Variants in PCNT observed in about 807,000 individuals in gnomAD.
PCNT encodes the protein pericentrin.
PCNT carries 319 observed loss-of-function variants against 380.4 expected under a neutral mutation model. The ratio of observed to expected loss-of-function variants is 0.84; its 90% CI spans 0.77 to 0.92. The LOEUF (loss-of-function observed/expected upper bound fraction) is 0.92. Among genes scored for constraint, PCNT ranks in the 40% least tolerant of loss-of-function variants. The pLI is 0.00. For synonymous variants in PCNT, 1,845 were observed against 1,735.2 expected, an observed-to-expected ratio of 1.06 and a Z score of -1.57; for missense variants, 4,400 against 4,255.3, an observed-to-expected ratio of 1.03 and a Z score of -0.95.
At chr21:46,439,306 G>C (rs770484720) in intron 41 of PCNT, among the ~76,000 whole-genome samples, 1 of 152,096 alleles carries the variant, frequency 6.6e-6, no homozygotes, top group Non-Finnish European at 1.5e-5. Flanking sequence ...GAACCAGCCC[G>C]TCTGGGACCT....
intron 21 of PCNT, among the ~76,000 whole-genome samples, chr21:46,395,220 A>G (rs377142747): frequency 3.3e-5 from 5 of 152,270 alleles, no homozygotes; most frequent in African/African-American, 9.6e-5. Flanking sequence ...CACTTTTACA[A>G]ATCAAAATGA....
At chr21:46,332,357 G>A (rs918141245) in intron 2 of PCNT, among the ~76,000 whole-genome samples, 6 of 152,142 alleles carry the variant, frequency 3.9e-5, no homozygotes, top group Non-Finnish European at 5.9e-5. Flanking sequence ...TTTCTGGGCC[G>A]TTTTACTGTT....
chr21:46,444,320 G>T (rs2053693179), intron 45 of PCNT, among the ~76,000 whole-genome samples: 1 of 152,200 alleles, frequency 6.6e-6, no homozygotes, highest in Non-Finnish European at 1.5e-5. Context: ...CCTGGCGGAA[G>T]GCTAGGAGGA....
chr21:46,362,991 G>T (rs906134186), intron 13 of PCNT, among the ~76,000 whole-genome samples: 1 of 152,138 alleles, frequency 6.6e-6, no homozygotes, highest in African/African-American at 2.4e-5. Flanking sequence ...CATTGTCCTG[G>T]CGTTGACCTT....
At chr21:46,431,232 G>A (rs1036118531) in intron 37 of PCNT, 15 of 1,268,024 alleles carry the variant, frequency 1.2e-5, no homozygotes, top group African/African-American at 3.0e-5. Flanking sequence ...TGATTTTCTG[G>A]AGAGGGGGCG....
intron 15 of PCNT, among the ~76,000 whole-genome samples, chr21:46,371,968 T>C (rs1712484340): frequency 7.0e-6 from 1 of 142,818 alleles, no homozygotes; most frequent in African/African-American, 2.7e-5. Flanking sequence ...AGCACATACA[T>C]AGCACATACA....
At position 46,334,296 on chromosome 21, in the gene PCNT, T is replaced by C. The variant is rs943071607; in HGVS notation, c.268-101T>C. ...GTGGAAGTGAGCTCTACTTGTTAAA[T>C]GAAGTCAGCACAGGCCTGCAGATAG... On this transcript the variant is annotated intron_variant, in intron 2 of 46. Coordinates refer to ENST00000359568, the MANE Select transcript of PCNT (RefSeq NM_006031.6). The C allele has an allele frequency of 2.0e-6, 3 of 1,536,762 alleles. No homozygotes were observed. The South Asian group carries it at 3.4e-5, about 17-fold the overall frequency.
chr21:46,339,467 A>G (rs1192262457), intron 3 of PCNT, among the ~76,000 whole-genome samples: 3 of 152,214 alleles, frequency 2.0e-5, no homozygotes, highest in African/African-American at 7.2e-5. Flanking sequence ...TCACAAGGTG[A>G]GGTCCCACAG....
chr21:46,347,107 A>G (rs1313304594), intron 5 of PCNT, 109 bp downstream of exon 5: 59 of 1,332,782 alleles, frequency 4.4e-5, no homozygotes, highest in Admixed American at 2.4e-5. Context: ...CCGTCTCCCC[A>G]TCTCTGTTCT....
Position 46,411,993 on chromosome 21 carries a change from G to A in PCNT, c.5920G>A (p.Ala1974Thr), listed in dbSNP as rs368622182. The A allele has an allele frequency of 5.7e-5, 91 of 1,605,316 alleles. No homozygotes were observed. The highest frequency in any genetic ancestry group is 4.3e-4 in the African/African-American group (32 of 75,026). Residue 1974 changes from alanine (A) to threonine (T), a missense_variant, in exon 28 of 47, where the codon GCC becomes ACC. Transcript: ENST00000359568. ...AHPQPRMDGGAKAQVTGDVEA... is the reference protein window; with the variant it reads ...AHPQPRMDGGTKAQVTGDVEA... ...CCCACAGCCTCGCATGGATGGTGGC[G>A]CCAAGGCCCAGGTCACCGGCGACGT...
intron 27 of PCNT, among the ~76,000 whole-genome samples, chr21:46,407,291 T>C (rs2086646832): frequency 1.3e-5 from 2 of 151,438 alleles, no homozygotes; most frequent in African/African-American, 2.4e-5. Context: ...AACTTGTGCA[T>C]GTCATCAAAA....
chr21:46,423,967 G>A (rs1188651206), intron 32 of PCNT, among the ~76,000 whole-genome samples: 1 of 152,114 alleles, frequency 6.6e-6, no homozygotes, highest in Non-Finnish European at 1.5e-5. Flanking sequence ...TCAAACTCAG[G>A]GTTTTCCTTT....
intron 38 of PCNT, among the ~76,000 whole-genome samples, chr21:46,435,412 G>A (rs762828583): frequency 2.6e-5 from 4 of 151,690 alleles, no homozygotes; most frequent in Admixed American, 6.6e-5. Flanking sequence ...TTTTAGTAGA[G>A]ACGGGGTTTC....
intron 26 of PCNT, 83 bp downstream of exon 26, chr21:46,401,804 T>G (rs1160655106): frequency 7.7e-7 from 1 of 1,304,054 alleles, no homozygotes; most frequent in African/African-American, 1.5e-5. Context: ...GATGTCCAGA[T>G]AACACAGGCG....
chr21:46,418,443 C>T lies in PCNT; in HGVS notation c.7024+137C>T, dbSNP rs562286408. 359 of 679,050 alleles carry T rather than the reference C, an allele frequency of 5.3e-4. 1 individual carries two copies. The highest frequency in any genetic ancestry group is 2.2e-3 in the South Asian group (133 of 60,136). 42.1% of individuals were successfully genotyped at this position (679,050 alleles called of 1,614,324 possible). Reference sequence around the variant, plus strand: ...CCTCCACCCCGGCTCTGCGCTTTGTCGGGCGTGCACCTGGGGCCTCTTGAC... The same window carrying T: ...CCTCCACCCCGGCTCTGCGCTTTGTTGGGCGTGCACCTGGGGCCTCTTGAC... On this transcript the variant is annotated intron_variant, in intron 31 of 46. Transcript: ENST00000359568.
At chr21:46,332,005 C>G (rs1351181024) in intron 2 of PCNT, among the ~76,000 whole-genome samples, 1 of 152,084 alleles carries the variant, frequency 6.6e-6, no homozygotes, top group Admixed American at 6.5e-5. Flanking sequence ...ACTAAAAATA[C>G]AAAAATTAGC....
chr21:46,405,432 T>TC (rs1223025869), intron 27 of PCNT, among the ~76,000 whole-genome samples: 1 of 152,246 alleles, frequency 6.6e-6, no homozygotes, highest in Non-Finnish European at 1.5e-5. Context: ...GAGCGGTGGC[T>TC]CACGCCTGTA....
Position 46,445,368 on chromosome 21 carries a change from G to C in PCNT, c.*41G>C. The C allele has an allele frequency of 6.7e-7, 1 of 1,500,664 alleles. No homozygotes were observed. Among genetic ancestry groups the C allele is most frequent in the Non-Finnish European group, 9.3e-7 (1 of 1,076,492 alleles). The allele number at this position is 1,500,664 out of a possible 1,614,324, so 93.0% of individuals were successfully genotyped here. A position where few individuals can be genotyped will look rare whatever the true frequency, so the allele number is the denominator to read the frequency against. On this transcript the variant is annotated 3_prime_UTR_variant, in exon 47 of 47. Transcript: ENST00000359568. ...TCTTTCCTGCGACAATTCTATTTGA[G>C]GAAAAGATTTGTTTTTCCCTTTTCC...
intron 7 of PCNT, 72 bp downstream of exon 7, chr21:46,349,258 C>A: frequency 1.7e-6 from 2 of 1,196,782 alleles, no homozygotes; most frequent in Non-Finnish European, 2.5e-6. Flanking sequence ...GAATGTCGTT[C>A]ATGTCACCAT....
Sources: gnomAD v4.1 joint callset for allele counts (sites outside exome capture counted in the v4.1 genomes callset) on GRCh38, gnomAD v4.1.1 for gene constraint, MANE v1.5 for transcripts, NCBI Gene and HGNC (gene_info 2026-07-23, HGNC 2026-07-21) for gene names.